CSMD2: variants seen among roughly 807,000 people sequenced by gnomAD.
CSMD2 encodes CUB and sushi domain-containing protein 2.
A neutral mutation model predicts 398.5 loss-of-function variants in CSMD2; 130 were observed. The observed-to-expected ratio is 0.33, with a 90% confidence interval of 0.28 to 0.38. The LOEUF is 0.38. Ranked by LOEUF, CSMD2 falls within the 10% of genes least tolerant of loss-of-function variation. The pLI, the probability that CSMD2 is intolerant of heterozygous loss-of-function variation, is 1.00. For synonymous variants in CSMD2, 1,828 were observed against 1,908.5 expected, an observed-to-expected ratio of 0.96 and a Z score of 1.10; for missense variants, 3,829 against 4,764.9, an observed-to-expected ratio of 0.80 and a Z score of 5.78.
intron 1 of CSMD2, among the ~76,000 whole-genome samples, chr1:34,125,871 G>C (rs560241172): frequency 6.6e-6 from 1 of 152,280 alleles, no homozygotes; most frequent in East Asian, 1.9e-4. Flanking sequence ...TGCTGCTCCA[G>C]TTCAGGCCCC....
In CSMD2 at chr1:33,742,576, T is replaced by G. The variant is rs1407436194; in HGVS notation, c.2173+704A>C. The stretch of plus-strand genomic sequence containing the variant: ...TTGCTATTTCTAGTCACCAAGCTTC[T>G]GCCCCCCCCCCCCCAACCCCCTCTG... On this transcript the variant is annotated intron_variant, in intron 14 of 70. Coordinates refer to ENST00000373381, the MANE Select transcript of CSMD2 (RefSeq NM_001281956.2). Among the ~76,000 whole-genome samples, 7 of 91,586 alleles carry G rather than the reference T, an allele frequency of 7.6e-5. No individual in the cohort carries two copies. In the East Asian group the frequency reaches 1.1e-3, roughly 14 times the overall value. The allele number at this position is 91,586 out of a possible 152,430, so 60.1% of individuals were successfully genotyped here.
chr1:33,871,808 G>A (rs1640488748), intron 5 of CSMD2, among the ~76,000 whole-genome samples: 1 of 152,098 alleles, frequency 6.6e-6, no homozygotes, highest in Non-Finnish European at 1.5e-5. Flanking sequence ...ATAGAGATGG[G>A]GTTTCACCGT....
intron 2 of CSMD2, among the ~76,000 whole-genome samples, chr1:34,048,126 A>T (rs553341416): frequency 6.6e-6 from 1 of 151,386 alleles, no homozygotes; most frequent in South Asian, 2.1e-4. Context: ...GCTTTGAGGA[A>T]GAGAGGTCGT....
intron 16 of CSMD2, 49 bp downstream of exon 16, chr1:33,726,498 G>T (rs779187759): frequency 6.4e-7 from 1 of 1,564,992 alleles, no homozygotes; most frequent in East Asian, 2.3e-5. Flanking sequence ...ACGTGGCTCT[G>T]TAAAAATCTC....
chr1:34,092,833 G>A (rs1216665348), intron 1 of CSMD2, among the ~76,000 whole-genome samples: 1 of 152,212 alleles, frequency 6.6e-6, no homozygotes, highest in Admixed American at 6.5e-5. Flanking sequence ...GCTGGGGGAG[G>A]GGCGCCCACC....
At position 34,007,618 on chromosome 1, in the gene CSMD2, A is replaced by T. The variant is rs12037087; in HGVS notation, c.517+24976T>A. ...ATAGATTTATTCTAAGGAAATAATC[A>T]GATGCATCCCAATGATTTATGTATA... On this transcript the variant is annotated intron_variant, in intron 3 of 70. Transcript: ENST00000373381. Among the ~76,000 whole-genome samples, 10 of 152,236 alleles carry T rather than the reference A, an allele frequency of 6.6e-5. No homozygotes were observed. The East Asian group carries it at 7.7e-4, about 12-fold the overall frequency.
chr1:33,796,557 T>C (rs937883062), intron 10 of CSMD2, among the ~76,000 whole-genome samples: 4 of 152,250 alleles, frequency 2.6e-5, no homozygotes, highest in African/African-American at 9.6e-5. Context: ...AATCCTGTTA[T>C]CTTTGTAAGC....
At chr1:33,847,086 T>G in intron 5 of CSMD2, 90 bp from the exon 6 acceptor site, 1 of 802,200 alleles carries the variant, frequency 1.2e-6, no homozygotes, top group Non-Finnish European at 2.0e-6. Flanking sequence ...TTCCCTTGAG[T>G]GCCAAGGCCT....
chr1:33,700,905 A>G (rs1192218132), intron 22 of CSMD2, among the ~76,000 whole-genome samples: 3 of 152,184 alleles, frequency 2.0e-5, no homozygotes, highest in Non-Finnish European at 4.4e-5. Context: ...GTGTGAATCT[A>G]GTCTTTGGGA....
At chr1:34,138,737 G>C (rs1638994759) in intron 1 of CSMD2, among the ~76,000 whole-genome samples, 2 of 152,144 alleles carry the variant, frequency 1.3e-5, no homozygotes, top group East Asian at 1.9e-4. Context: ...CAGCAAGTTT[G>C]TAACAATTTA....
intron 9 of CSMD2, chr1:33,813,968 A>T (rs926790988): frequency 6.6e-6 from 1 of 152,452 alleles, no homozygotes; most frequent in East Asian, 1.9e-4. Context: ...ACTGCCTCCT[A>T]TGCAGCCCTC....
chr1:33,540,743 A>T (rs765618279), intron 59 of CSMD2, 45 bp from the exon 60 acceptor site: 1 of 1,606,216 alleles, frequency 6.2e-7, no homozygotes, highest in Non-Finnish European at 8.5e-7. Flanking sequence ...CTGTCCTGGG[A>T]AACCAGCCCC....
At chr1:33,773,752 C>G (rs894047916) in intron 12 of CSMD2, among the ~76,000 whole-genome samples, 1 of 152,118 alleles carries the variant, frequency 6.6e-6, no homozygotes, top group African/African-American at 2.4e-5. Flanking sequence ...GAAGCCAGTG[C>G]CAGACGGTGA....
At chr1:33,576,994 C>G (rs74457147) in intron 49 of CSMD2, among the ~76,000 whole-genome samples, 34,836 of 151,998 alleles carry the variant, frequency 0.23, 4,523 homozygotes, top group African/African-American at 0.34. Context: ...GGAGCCCTCC[C>G]CAGCTGGCCA....
intron 9 of CSMD2, among the ~76,000 whole-genome samples, chr1:33,815,947 T>C (rs1338613781): frequency 1.3e-5 from 2 of 152,182 alleles, no homozygotes; most frequent in African/African-American, 2.4e-5. Flanking sequence ...ATAACAATTA[T>C]GTTTAAGGAG....
chr1:33,894,578 T>G (rs1285145768), intron 5 of CSMD2, among the ~76,000 whole-genome samples: 2 of 152,208 alleles, frequency 1.3e-5, no homozygotes, highest in African/African-American at 4.8e-5. Context: ...TGTGGGATTA[T>G]GGCCCAGACC....
intron 1 of CSMD2, among the ~76,000 whole-genome samples, chr1:34,150,014 C>T (rs2148550915): frequency 6.6e-6 from 1 of 152,154 alleles, no homozygotes; most frequent in South Asian, 2.1e-4. Context: ...TCCCTGCACC[C>T]TGCTCTCAGA....
chr1:33,996,943 C>A (rs745987244), intron 3 of CSMD2, among the ~76,000 whole-genome samples: 1 of 152,120 alleles, frequency 6.6e-6, no homozygotes, highest in Non-Finnish European at 1.5e-5. Context: ...CTCATTTAAC[C>A]TGCAGAATAA....
intron 12 of CSMD2, among the ~76,000 whole-genome samples, chr1:33,775,796 T>G (rs10798986): frequency 0.19 from 28,610 of 152,032 alleles, 3,100 homozygotes; most frequent in African/African-American, 0.27. Context: ...AGGATGAAAT[T>G]ACCCAAGGAG....
Sources: allele counts gnomAD v4.1 joint callset (sites outside exome capture counted in the v4.1 genomes callset), GRCh38; gene constraint gnomAD v4.1.1; transcripts MANE v1.5; gene names NCBI Gene and HGNC (gene_info 2026-07-23, HGNC 2026-07-21).